ITGB3BP: variants seen among roughly 807,000 people sequenced by gnomAD.
ITGB3BP encodes centromere protein R.
In ITGB3BP, 27 loss-of-function variants were observed where a neutral mutation model predicts 29.1. The observed-to-expected ratio is 0.93, with a 90% CI of 0.68 to 1.28. The LOEUF (loss-of-function observed/expected upper bound fraction) is 1.28, where lower values mean the gene tolerates loss of function less well. Among genes scored for constraint, ITGB3BP ranks in the 50% most tolerant of loss-of-function variants. ITGB3BP has a pLI of 0.00. For synonymous variants in ITGB3BP, 61 were observed against 61.4 expected, an observed-to-expected ratio of 0.99 and a Z score of 0.03; for missense variants, 192 against 200.2, an observed-to-expected ratio of 0.96 and a Z score of 0.25.
intron 2 of ITGB3BP, among the ~76,000 whole-genome samples, chr1:63,506,348 A>G (rs1215734274): frequency 3.9e-5 from 6 of 152,040 alleles, no homozygotes; most frequent in Non-Finnish European, 8.8e-5. Context: ...CCTGCCCAAA[A>G]GGCACTTCTT....
intron 1 of ITGB3BP, among the ~76,000 whole-genome samples, chr1:63,522,586 G>A (rs1035650854): frequency 4.6e-5 from 7 of 151,974 alleles, no homozygotes; most frequent in African/African-American, 1.5e-4. Context: ...TCAATAATCA[G>A]ATTATTGGTC....
intron 3 of ITGB3BP, among the ~76,000 whole-genome samples, chr1:63,482,882 G>C (rs1034075743): frequency 6.6e-6 from 1 of 152,068 alleles, no homozygotes; most frequent in African/African-American, 2.4e-5. Context: ...TCAAACTCCT[G>C]ACCTCAGGTG....
rs768787104 is a variant in ITGB3BP at position 63,446,818 on chromosome 1, T to C, written c.523A>G (p.Ile175Val). The C allele has an allele frequency of 6.2e-7, 1 of 1,610,532 alleles. No homozygotes were observed. Among genetic ancestry groups the C allele is most frequent in the African/African-American group, 1.3e-5 (1 of 74,932 alleles). Residue 175 changes from isoleucine (I) to valine (V), a missense_variant, in exon 8 of 9, where the codon ATT becomes GTT. Physicochemically the swap from Ile to Val is conservative, Grantham distance 29. Transcript: ENST00000271002. ...GGTGAAACAGTACCTCAGTTTAAAA[T>C]GGCTTTAAGGAATTCATAGCTGTCA... ...HLDSYEFLKA[I>V]LN
intron 1 of ITGB3BP, among the ~76,000 whole-genome samples, chr1:63,518,298 C>A (rs557317366): frequency 6.6e-6 from 1 of 152,178 alleles, no homozygotes; most frequent in South Asian, 2.1e-4. Flanking sequence ...AATTCTATTT[C>A]CTTAATTATG....
chr1:63,490,160 G>GTTGGAAC lies in ITGB3BP; in HGVS notation c.106_107insGTTCCAA (p.Thr36SerfsTer18). On this transcript the variant is annotated frameshift_variant, in exon 3 of 9. Transcript: ENST00000271002. LOFTEE classifies it high-confidence loss of function. The stretch of plus-strand genomic sequence containing the variant: ...AAATAGACTCATTTGACAAGTTCCA[G>GTTGGAAC]TTGTTGGAGAATAAGTTATAACACT... 3 of 1,600,640 alleles carry GTTGGAAC rather than the reference G, an allele frequency of 1.9e-6. No individual in the cohort carries two copies. Among genetic ancestry groups the GTTGGAAC allele is most frequent in the Non-Finnish European group, 2.6e-6 (3 of 1,168,656 alleles).
upstream of ITGB3BP, among the ~76,000 whole-genome samples, chr1:63,524,036 G>T (rs905347483): frequency 6.6e-6 from 1 of 152,170 alleles, no homozygotes; most frequent in African/African-American, 2.4e-5. Flanking sequence ...CAAGCCTGCG[G>T]GGGGTGCAAT....
chr1:63,517,354 T>C (rs1186604188), intron 1 of ITGB3BP, among the ~76,000 whole-genome samples: 1 of 151,502 alleles, frequency 6.6e-6, no homozygotes, highest in Non-Finnish European at 1.5e-5. Flanking sequence ...ATTGTGCACA[T>C]GTACCCTAAA....
chr1:63,451,640 C>A (rs1012144679), intron 7 of ITGB3BP: 2 of 151,850 alleles, frequency 1.3e-5, no homozygotes, highest in Admixed American at 1.3e-4. Context: ...AAACAAAAAA[C>A]CCCCAAAACT....
At chr1:63,480,947 A>G (rs1645427758) in intron 3 of ITGB3BP, among the ~76,000 whole-genome samples, 1 of 152,130 alleles carries the variant, frequency 6.6e-6, no homozygotes, top group South Asian at 2.1e-4. Flanking sequence ...GAAAACCACA[A>G]ATGAAAACCC....
At chr1:63,510,439 T>C (rs1646175634) in intron 1 of ITGB3BP, among the ~76,000 whole-genome samples, 1 of 152,096 alleles carries the variant, frequency 6.6e-6, no homozygotes, top group Non-Finnish European at 1.5e-5. Context: ...CCCAAGGAAA[T>C]ACGTAAAAAA....
chr1:63,496,665 G>A (rs1281216647), intron 2 of ITGB3BP, among the ~76,000 whole-genome samples: 4 of 152,166 alleles, frequency 2.6e-5, no homozygotes, highest in African/African-American at 9.7e-5. Context: ...ACAGCTACTT[G>A]GAGTATACAG....
chr1:63,492,189 C>CTG (rs10610086), intron 2 of ITGB3BP, among the ~76,000 whole-genome samples: 16,220 of 148,960 alleles, frequency 0.11, 918 homozygotes, highest in Middle Eastern at 0.21. Context: ...TGCATGTGCT[C>CTG]TGTGTGTGTG....
intron 7 of ITGB3BP, among the ~76,000 whole-genome samples, chr1:63,452,946 G>A (rs1644882439): frequency 6.6e-6 from 1 of 152,164 alleles, no homozygotes; most frequent in Non-Finnish European, 1.5e-5. Context: ...TATGTGCCAT[G>A]TTTGAATCTA....
chr1:63,472,373 A>G (rs1645213920), intron 4 of ITGB3BP, among the ~76,000 whole-genome samples: 1 of 151,234 alleles, frequency 6.6e-6, no homozygotes, highest in Non-Finnish European at 1.5e-5. Context: ...GCAAAAAAAA[A>G]AAAAAAGAAT....
At chr1:63,500,186 T>G (rs1026270212) in intron 2 of ITGB3BP, among the ~76,000 whole-genome samples, 5 of 152,172 alleles carry the variant, frequency 3.3e-5, no homozygotes, top group Non-Finnish European at 5.9e-5. Flanking sequence ...GAGGCCAGCC[T>G]GGCCAATGTG....
intron 1 of ITGB3BP, among the ~76,000 whole-genome samples, chr1:63,511,376 A>G (rs1646196283): frequency 6.6e-6 from 1 of 152,182 alleles, no homozygotes; most frequent in Admixed American, 6.5e-5. Context: ...AGCTATGGAA[A>G]ACAGTATGGC....
At chr1:63,497,393 A>C (rs2100714803) in intron 2 of ITGB3BP, among the ~76,000 whole-genome samples, 1 of 152,332 alleles carries the variant, frequency 6.6e-6, no homozygotes, top group South Asian at 2.1e-4. Context: ...TTTTGTTAAT[A>C]GTATCTGGAG....
chr1:63,501,335 T>C (rs1241501059), intron 2 of ITGB3BP, among the ~76,000 whole-genome samples: 2 of 152,162 alleles, frequency 1.3e-5, no homozygotes, highest in African/African-American at 2.4e-5. Context: ...AAATTGAATC[T>C]TGAAAATGTT....
At chr1:63,513,711 C>T (rs1646251454) in intron 1 of ITGB3BP, among the ~76,000 whole-genome samples, 1 of 152,084 alleles carries the variant, frequency 6.6e-6, no homozygotes, top group Non-Finnish European at 1.5e-5. Context: ...ATCTCCAATG[C>T]CAAGTCAAGA....
Sources: allele counts gnomAD v4.1 joint callset (sites outside exome capture counted in the v4.1 genomes callset), GRCh38; gene constraint gnomAD v4.1.1; transcripts MANE v1.5; gene names NCBI Gene and HGNC (gene_info 2026-07-23, HGNC 2026-07-21).